PIP5K1B: variants seen among roughly 807,000 people sequenced by gnomAD.
PIP5K1B encodes phosphatidylinositol 4-phosphate 5-kinase type-1 beta.
A neutral mutation model predicts 67.0 loss-of-function variants in PIP5K1B; 42 were observed. The ratio of observed to expected loss-of-function variants is 0.63; its 90% CI spans 0.49 to 0.81. PIP5K1B has a LOEUF of 0.81. Among genes scored for constraint, PIP5K1B ranks in the 30% least tolerant of loss-of-function variants. The pLI is 0.00. For missense variants in PIP5K1B, 459 were observed against 646.3 expected (o/e 0.71, Z 3.14); for synonymous variants, 214 against 231.4 (o/e 0.92, Z 0.68).
intron 4 of PIP5K1B, among the ~76,000 whole-genome samples, chr9:68,849,555 A>G (rs1314108821): frequency 2.0e-5 from 3 of 152,318 alleles, no homozygotes; most frequent in Non-Finnish European, 4.4e-5. Context: ...TTGTAAAGAC[A>G]GGGTTTCACC....
rs1824635156 is a variant in PIP5K1B at position 68,889,071 on chromosome 9, A to G, written c.409A>G (p.Ile137Val). The G allele has an allele frequency of 6.2e-7, 1 of 1,613,802 alleles. No individual in the cohort carries two copies. The highest frequency in any genetic ancestry group is 8.5e-7 in the Non-Finnish European group (1 of 1,179,692). ...FFVTSDDEFI[I>V]KTVQHKEAEF... is the part of the protein sequence containing the mutation. ...TGTGACCAGTGATGATGAATTTATC[A>G]TCAAAACAGTTCAGCACAAAGAAGC... Residue 137 changes from isoleucine (I) to valine (V), a missense_variant, in exon 7 of 16, where the codon ATC (isoleucine) becomes GTC (valine). Transcript: ENST00000265382.
intron 2 of PIP5K1B, among the ~76,000 whole-genome samples, chr9:68,751,270 A>G (rs1267944467): frequency 6.6e-6 from 1 of 152,258 alleles, no homozygotes; most frequent in Non-Finnish European, 1.5e-5. Context: ...TTGTAATTTT[A>G]TGATTAGCTT....
chr9:68,935,116 G>A (rs1296381237), intron 13 of PIP5K1B, 71 bp downstream of exon 13: 2 of 1,333,876 alleles, frequency 1.5e-6, no homozygotes, highest in African/African-American at 3.0e-5. Flanking sequence ...ATTTGCAGAA[G>A]AAAAATTTAA....
At chr9:68,836,524 G>T (rs1782629080) in intron 4 of PIP5K1B, among the ~76,000 whole-genome samples, 1 of 151,910 alleles carries the variant, frequency 6.6e-6, no homozygotes. Flanking sequence ...TGGAATTTGG[G>T]GTATGCCAAC....
intron 15 of PIP5K1B, among the ~76,000 whole-genome samples, chr9:68,998,863 C>T (rs531299045): frequency 2.4e-4 from 36 of 152,256 alleles, no homozygotes; most frequent in Admixed American, 9.2e-4. Flanking sequence ...ATGAATGGCA[C>T]GAGTAGGAGT....
intron 12 of PIP5K1B, among the ~76,000 whole-genome samples, chr9:68,934,648 T>C (rs776495669): frequency 1.3e-4 from 20 of 152,366 alleles, no homozygotes; most frequent in Middle Eastern, 6.8e-3. Context: ...TTTTAACTTT[T>C]AATTTGCTCT....
At chr9:68,742,850 A>G (rs141225006) in intron 2 of PIP5K1B, among the ~76,000 whole-genome samples, 193 bp downstream of exon 2, 275 of 152,326 alleles carry the variant, frequency 1.8e-3, no homozygotes, top group Non-Finnish European at 3.1e-3. Flanking sequence ...ACAAAAGAAC[A>G]CTACAGCATC....
intron 6 of PIP5K1B, among the ~76,000 whole-genome samples, chr9:68,880,729 T>C (rs1824160269): frequency 6.6e-6 from 1 of 152,144 alleles, no homozygotes; most frequent in Non-Finnish European, 1.5e-5. Context: ...CATGGTTCAG[T>C]GTCTAGACAC....
At chr9:68,725,153 T>A (rs1389517958) in intron 1 of PIP5K1B, among the ~76,000 whole-genome samples, 1 of 152,184 alleles carries the variant, frequency 6.6e-6, no homozygotes, top group African/African-American at 2.4e-5. Flanking sequence ...GCAGAGTTTA[T>A]CTCCTGGTCT....
intron 7 of PIP5K1B, among the ~76,000 whole-genome samples, chr9:68,893,143 A>G (rs1270368658): frequency 6.6e-6 from 1 of 152,110 alleles, no homozygotes; most frequent in Non-Finnish European, 1.5e-5. Context: ...CAAAATTAAT[A>G]TAAGCACCTT....
At chr9:68,762,180 C>A (rs1830214311) in intron 2 of PIP5K1B, among the ~76,000 whole-genome samples, 1 of 151,962 alleles carries the variant, frequency 6.6e-6, no homozygotes, top group African/African-American at 2.4e-5. Flanking sequence ...ATGTTCCTAT[C>A]CACAAAAAGA....
intron 2 of PIP5K1B, among the ~76,000 whole-genome samples, chr9:68,751,491 G>T (rs1829629184): frequency 6.6e-6 from 1 of 152,200 alleles, no homozygotes; most frequent in African/African-American, 2.4e-5. Flanking sequence ...CTTTCACAAA[G>T]ATTGAGATGA....
At chr9:68,715,739 C>A (rs575644959) in intron 1 of PIP5K1B, among the ~76,000 whole-genome samples, 2 of 152,258 alleles carry the variant, frequency 1.3e-5, no homozygotes, top group East Asian at 3.9e-4. Flanking sequence ...AAATCCTTTT[C>A]GTAAATTCCC....
chr9:68,730,013 A>T (rs1828344068), intron 1 of PIP5K1B, among the ~76,000 whole-genome samples: 1 of 152,190 alleles, frequency 6.6e-6, no homozygotes, highest in Admixed American at 6.5e-5. Flanking sequence ...ATTTGGGGAA[A>T]TGATTAAACA....
chr9:68,978,958 T>G (rs1587751768), intron 14 of PIP5K1B, among the ~76,000 whole-genome samples: 1 of 152,236 alleles, frequency 6.6e-6, no homozygotes, highest in African/African-American at 2.4e-5. Flanking sequence ...AATTTCTGTA[T>G]ATGATATGAG....
chr9:68,919,354 G>A (rs1826253649), intron 9 of PIP5K1B, 125 bp from the exon 10 acceptor site: 2 of 563,902 alleles, frequency 3.5e-6, no homozygotes. Flanking sequence ...AAGATGAATG[G>A]GAGATAGCCC....
intron 6 of PIP5K1B, among the ~76,000 whole-genome samples, chr9:68,877,273 A>G (rs1823945026): frequency 6.6e-6 from 1 of 152,166 alleles, no homozygotes; most frequent in Admixed American, 6.5e-5. Context: ...TTTTAAACAT[A>G]TTTTTAGTTG....
intron 2 of PIP5K1B, among the ~76,000 whole-genome samples, chr9:68,777,210 C>A (rs980180809): frequency 6.6e-6 from 1 of 152,168 alleles, no homozygotes; most frequent in Non-Finnish European, 1.5e-5. Context: ...TTAGACAAAG[C>A]TATATTAATC....
intron 2 of PIP5K1B, among the ~76,000 whole-genome samples, chr9:68,775,059 G>A (rs1365518616): frequency 6.6e-6 from 1 of 152,168 alleles, no homozygotes; most frequent in Admixed American, 6.5e-5. Flanking sequence ...GTGGCTTGGT[G>A]TCACTCATTT....
Sources: gnomAD v4.1 joint callset for allele counts (sites outside exome capture counted in the v4.1 genomes callset) on GRCh38, gnomAD v4.1.1 for gene constraint, MANE v1.5 for transcripts, NCBI Gene and HGNC (gene_info 2026-07-23, HGNC 2026-07-21) for gene names.